The following SLC9B1 variants were observed in gnomAD, a reference collection of about 807,000 sequenced individuals.
SLC9B1 encodes the protein sodium/hydrogen exchanger 9B1.
SLC9B1 carries 32 observed loss-of-function variants against 51.7 expected under a neutral mutation model. The observed-to-expected ratio is 0.62, with a 90% CI of 0.47 to 0.83. The LOEUF (loss-of-function observed/expected upper bound fraction) is 0.83, where lower values mean the gene tolerates loss of function less well. Ranked by LOEUF, SLC9B1 falls within the 40% of genes least tolerant of loss-of-function variation. The pLI, the probability that SLC9B1 is intolerant of heterozygous loss-of-function variation, is 0.00. For synonymous variants in SLC9B1, 145 were observed against 212.7 expected, an observed-to-expected ratio of 0.68 and a Z score of 2.77; for missense variants, 406 against 613.2, an observed-to-expected ratio of 0.66 and a Z score of 3.57.
intron 7 of SLC9B1, among the ~76,000 whole-genome samples, chr4:102,917,420 T>C (rs939167041): frequency 6.5e-5 from 9 of 138,788 alleles, no homozygotes; most frequent in African/African-American, 1.8e-4. Context: ...TATTCTCTTT[T>C]ATATGCATGT....
At chr4:102,958,628 T>G (rs1737926662) in intron 3 of SLC9B1, among the ~76,000 whole-genome samples, 1 of 151,892 alleles carries the variant, frequency 6.6e-6, no homozygotes, top group Admixed American at 6.6e-5. Context: ...CTTAAAAAAG[T>G]AAGCCCCAGA....
downstream of SLC9B1, among the ~76,000 whole-genome samples, chr4:102,899,436 C>G (rs1381692982): frequency 6.6e-6 from 1 of 150,594 alleles, no homozygotes; most frequent in African/African-American, 2.4e-5. Context: ...TTTTTTGAGA[C>G]AGAGTCTTGC....
intron 3 of SLC9B1, among the ~76,000 whole-genome samples, chr4:102,968,748 C>T (rs547474112): frequency 6.6e-6 from 1 of 152,214 alleles, no homozygotes; most frequent in Admixed American, 6.5e-5. Flanking sequence ...CGGGAAGCAG[C>T]ACAAGGGGTC....
chr4:103,018,464 G>C (rs1257720677), intron 1 of SLC9B1, among the ~76,000 whole-genome samples: 1 of 152,186 alleles, frequency 6.6e-6, no homozygotes, highest in Non-Finnish European at 1.5e-5. Flanking sequence ...TAGGCACACA[G>C]TGACTAAAAT....
chr4:103,017,971 C>G (rs1741480032), intron 1 of SLC9B1, among the ~76,000 whole-genome samples: 1 of 152,182 alleles, frequency 6.6e-6, no homozygotes, highest in African/African-American at 2.4e-5. Flanking sequence ...CTAGACTAAG[C>G]TCTGGATCCA....
intron 6 of SLC9B1, among the ~76,000 whole-genome samples, chr4:102,935,916 C>T (rs1578361059): frequency 6.6e-6 from 1 of 152,152 alleles, no homozygotes; most frequent in South Asian, 2.1e-4. Context: ...GGCACTGCAC[C>T]CCTGCCAACA....
At chr4:102,925,007 A>G (rs1285323095) in intron 7 of SLC9B1, among the ~76,000 whole-genome samples, 1 of 152,172 alleles carries the variant, frequency 6.6e-6, no homozygotes, top group East Asian at 1.9e-4. Context: ...CGATTCCTCA[A>G]GGATCTAGAA....
chr4:102,971,991 A>T (rs1431995765), intron 3 of SLC9B1, among the ~76,000 whole-genome samples: 1 of 152,156 alleles, frequency 6.6e-6, no homozygotes, highest in East Asian at 1.9e-4. Context: ...AATTGAGGCA[A>T]TAATTAATTA....
chr4:102,921,670 A>C (rs1028495988), intron 7 of SLC9B1, among the ~76,000 whole-genome samples: 6 of 152,210 alleles, frequency 3.9e-5, no homozygotes, highest in African/African-American at 1.4e-4. Flanking sequence ...AGACCCATCT[A>C]ACGTGCAGAG....
At chr4:102,902,961 A>C (rs895846682) in intron 11 of SLC9B1, among the ~76,000 whole-genome samples, 6 of 152,218 alleles carry the variant, frequency 3.9e-5, no homozygotes, top group African/African-American at 1.4e-4. Context: ...TTAAAATTGA[A>C]ATTTAAATAT....
chr4:103,015,298 A>C (rs77292414), intron 1 of SLC9B1, among the ~76,000 whole-genome samples: 1 of 152,068 alleles, frequency 6.6e-6, no homozygotes, highest in Admixed American at 6.5e-5. Flanking sequence ...AAAAAAAAAA[A>C]AATCAGGCCA....
chr4:103,013,006 A>G (rs1173070311), intron 1 of SLC9B1, among the ~76,000 whole-genome samples: 1 of 152,258 alleles, frequency 6.6e-6, no homozygotes, highest in African/African-American at 2.4e-5. Flanking sequence ...TGGAAGAGAC[A>G]TAAACAGTCA....
At chr4:102,998,570 T>C (rs1031237004) in intron 1 of SLC9B1, among the ~76,000 whole-genome samples, 10 of 151,494 alleles carry the variant, frequency 6.6e-5, no homozygotes, top group Admixed American at 1.3e-4. Flanking sequence ...ATGGTAATTC[T>C]ATGTTTAATT....
intron 1 of SLC9B1, among the ~76,000 whole-genome samples, chr4:103,006,663 C>T (rs1215859171): frequency 6.6e-6 from 1 of 152,116 alleles, no homozygotes; most frequent in Non-Finnish European, 1.5e-5. Flanking sequence ...CATCCTGATA[C>T]CCAAACCTGG....
chr4:103,017,710 C>A (rs1354534602), intron 1 of SLC9B1, among the ~76,000 whole-genome samples: 2 of 152,020 alleles, frequency 1.3e-5, no homozygotes, highest in Non-Finnish European at 2.9e-5. Flanking sequence ...TACAGTTTTA[C>A]TTCTTCACTG....
At chr4:102,938,681 G>A (rs1205715586) in intron 6 of SLC9B1, among the ~76,000 whole-genome samples, 1 of 151,922 alleles carries the variant, frequency 6.6e-6, no homozygotes, top group African/African-American at 2.4e-5. Flanking sequence ...CCACACTCTT[G>A]GACCCGCAGT....
chr4:102,957,798 G>A (rs1157700805), intron 3 of SLC9B1, among the ~76,000 whole-genome samples: 1 of 152,006 alleles, frequency 6.6e-6, no homozygotes, highest in African/African-American at 2.4e-5. Flanking sequence ...GTGTGTGTGT[G>A]TGTGTGTATT....
At chr4:102,985,306 T>C (rs1057194348) in intron 3 of SLC9B1, among the ~76,000 whole-genome samples, 2 of 152,240 alleles carry the variant, frequency 1.3e-5, no homozygotes, top group African/African-American at 4.8e-5. Flanking sequence ...AAAGTGATTA[T>C]TGATATATTT....
At chr4:102,937,503 G>T (rs1168910447) in intron 6 of SLC9B1, among the ~76,000 whole-genome samples, 1 of 148,546 alleles carries the variant, frequency 6.7e-6, no homozygotes, top group Non-Finnish European at 1.5e-5. Context: ...GAGGGGGGTG[G>T]ATCACAAGGT....
Sources: gnomAD v4.1 joint callset for allele counts (sites outside exome capture counted in the v4.1 genomes callset) on GRCh38, gnomAD v4.1.1 for gene constraint, MANE v1.5 for transcripts, NCBI Gene and HGNC (gene_info 2026-07-23, HGNC 2026-07-21) for gene names.